Variants in FBXL4 observed in about 807,000 individuals in gnomAD.
FBXL4 encodes F-box and leucine rich repeat protein 4, also known as F-box/LRR-repeat protein 4.
In FBXL4, 40 loss-of-function variants were observed where a neutral mutation model predicts 58.9. The ratio of observed to expected loss-of-function variants is 0.68; its 90% CI spans 0.53 to 0.88. The LOEUF is 0.88. FBXL4 is among the 40% of genes least tolerant of loss of function. The pLI is 0.00. For synonymous variants in FBXL4, 263 were observed against 265.5 expected, an observed-to-expected ratio of 0.99 and a Z score of 0.09; for missense variants, 676 against 734.4, an observed-to-expected ratio of 0.92 and a Z score of 0.92.
At chr6:98,931,339 T>C (rs978091671) in intron 2 of FBXL4, among the ~76,000 whole-genome samples, 1 of 152,206 alleles carries the variant, frequency 6.6e-6, no homozygotes, top group African/African-American at 2.4e-5. Flanking sequence ...TTAAGCTGTG[T>C]TAAAGTTAAG....
chr6:98,934,417 G>C (rs1457892489), intron 2 of FBXL4, among the ~76,000 whole-genome samples: 3 of 151,820 alleles, frequency 2.0e-5, no homozygotes. Context: ...AAAAGAGAGA[G>C]AGAGACAGAA....
At chr6:98,919,158 G>T (rs367905786) in intron 4 of FBXL4, among the ~76,000 whole-genome samples, 5 of 152,088 alleles carry the variant, frequency 3.3e-5, no homozygotes, top group African/African-American at 9.7e-5. Context: ...ACCAAGAAAA[G>T]CATACAGCCA....
chr6:98,898,727 TAC>T, intron 7 of FBXL4: 1 of 984,590 alleles, frequency 1.0e-6, no homozygotes, highest in Non-Finnish European at 1.2e-6. Context: ...TGGTATAACA[TAC>T]ACTATTACAG....
Position 98,938,750 on chromosome 6 carries a change from A to AT in FBXL4, c.-308-3872dup, listed in dbSNP as rs974470523. Among the ~76,000 whole-genome samples the AT allele has an allele frequency of 4.3e-4, 64 of 148,996 alleles. No individual in the cohort carries two copies. The Middle Eastern group carries it at 0.011, about 25-fold the overall frequency. On this transcript the variant is annotated intron_variant, in intron 1 of 9. Transcript: ENST00000369244. ...TTTAATAATAAATGTCTTTTGTGGC[A>AT]TTTTTTTTTTCCAGAATAGGGCACT...
chr6:98,872,474 C>T lies in FBXL4; in HGVS notation c.*1804G>A, dbSNP rs11970338. 3 of 152,126 alleles carry T rather than the reference C, an allele frequency of 2.0e-5. No homozygotes were observed. The highest frequency in any genetic ancestry group is 7.2e-5 in the African/African-American group (3 of 41,428). The allele number at this position is 152,126 out of a possible 1,614,324, so 9.4% of individuals were successfully genotyped here. ...GAGTACTTACAATCAACTTTAATGA[C>T]ACGAAACATTAACTTTGATCCTCCC... On this transcript the variant is annotated 3_prime_UTR_variant, in exon 10 of 10. Coordinates refer to ENST00000369244, the MANE Select transcript of FBXL4 (RefSeq NM_001278716.2).
intron 1 of FBXL4, among the ~76,000 whole-genome samples, chr6:98,940,808 C>T (rs972940615): frequency 2.0e-5 from 3 of 151,872 alleles, no homozygotes; most frequent in Non-Finnish European, 2.9e-5. Context: ...AACATATTAC[C>T]GAAGAGCAAG....
At chr6:98,880,901 C>T (rs1195841805) in intron 7 of FBXL4, among the ~76,000 whole-genome samples, 2 of 152,026 alleles carry the variant, frequency 1.3e-5, no homozygotes, top group East Asian at 3.9e-4. Context: ...TATGACCTCT[C>T]GGTTCATTTC....
Position 98,874,264 on chromosome 6 carries a change from G to T in FBXL4, c.*14C>A. The T allele has an allele frequency of 1.9e-6, 3 of 1,553,398 alleles. No individual in the cohort carries two copies. Among genetic ancestry groups the T allele is most frequent in the South Asian group, 1.3e-5 (1 of 79,292 alleles). ...AACAAAGCACATTAATTTTAATACAGAACATATATTAAGTCACTGAGTAAA... is the reference window on the plus strand; with the variant it reads ...AACAAAGCACATTAATTTTAATACATAACATATATTAAGTCACTGAGTAAA... On this transcript the variant is annotated 3_prime_UTR_variant, in exon 10 of 10. Coordinates refer to ENST00000369244, the MANE Select transcript of FBXL4 (RefSeq NM_001278716.2).
rs539124240 is a variant in FBXL4 at position 98,928,287 on chromosome 6, A to G, written c.-190-465T>C. 1.7e-3 allele frequency among the ~76,000 whole-genome samples: 255 copies of G among 152,212 alleles called. 1 individual carries two copies. Among genetic ancestry groups the G allele is most frequent in the African/African-American group, 6.0e-3 (250 of 41,550 alleles). ...AAAACAAACTTATTTTTGTACCTGT[A>G]AAGTCTTGAGTTTAACTTCTAAGAA... is the stretch of plus-strand genomic sequence containing the variant. On this transcript the variant is annotated intron_variant, in intron 2 of 9. Transcript: ENST00000369244.
chr6:98,915,191 C>T (rs1323517793), intron 5 of FBXL4, among the ~76,000 whole-genome samples: 2 of 151,672 alleles, frequency 1.3e-5, no homozygotes, highest in African/African-American at 4.8e-5. Context: ...AATGGAAGAA[C>T]ATTCCATGCT....
rs2128373025 is a variant in FBXL4 at position 98,871,162 on chromosome 6, A to C, written c.*3116T>G. 1 of 152,258 alleles carries C rather than the reference A, an allele frequency of 6.6e-6. No individual in the cohort carries two copies. Among genetic ancestry groups the C allele is most frequent in the South Asian group, 2.1e-4 (1 of 4,828 alleles). 9.4% of individuals were successfully genotyped at this position (152,258 alleles called of 1,614,324 possible). A position where few individuals can be genotyped will look rare whatever the true frequency, so the allele number is the denominator to read the frequency against. ...CAGATGTTAACCAAGCAAGGAAAAC[A>C]TTTTACTAACGATAACTAAATTGTG... On this transcript the variant is annotated 3_prime_UTR_variant, in exon 10 of 10. Coordinates refer to ENST00000369244, the MANE Select transcript of FBXL4 (RefSeq NM_001278716.2).
chr6:98,914,668 T>C (rs945931561), intron 5 of FBXL4, among the ~76,000 whole-genome samples: 20 of 152,154 alleles, frequency 1.3e-4, no homozygotes, highest in African/African-American at 4.6e-4. Context: ...GGGACATATC[T>C]CAAAATCATA....
chr6:98,915,365 A>G (rs1291583514), intron 5 of FBXL4, among the ~76,000 whole-genome samples: 1 of 152,230 alleles, frequency 6.6e-6, no homozygotes, highest in Non-Finnish European at 1.5e-5. Context: ...TCACCAAGTC[A>G]ATCCTAAGCC....
intron 7 of FBXL4, among the ~76,000 whole-genome samples, chr6:98,890,205 A>G (rs1771176436): frequency 2.0e-5 from 3 of 152,214 alleles, no homozygotes; most frequent in Admixed American, 6.5e-5. Context: ...ACCCTTAATT[A>G]TAACACTCAA....
chr6:98,938,369 T>C (rs1773303154), intron 1 of FBXL4, among the ~76,000 whole-genome samples: 1 of 152,134 alleles, frequency 6.6e-6, no homozygotes, highest in Admixed American at 6.5e-5. Flanking sequence ...TTTGGGGACA[T>C]GTGGAATATA....
rs2128372109 is a variant in FBXL4 at position 98,869,093 on chromosome 6, G to A, written c.*5185C>T. 6.6e-6 allele frequency: 1 copy of A among 152,250 alleles called. No individual in the cohort carries two copies. The highest frequency in any genetic ancestry group is 6.5e-5 in the Admixed American group (1 of 15,294). The allele number at this position is 152,250 out of a possible 1,614,324, so 9.4% of individuals were successfully genotyped here. ...GTTATGGTTTTACACTCACAGCCTA[G>A]GTTTCTAGTAGTATGTTGTCAAAAA... On this transcript the variant is annotated 3_prime_UTR_variant, in exon 10 of 10. Transcript: ENST00000369244.
At position 98,871,282 on chromosome 6, in the gene FBXL4, A is replaced by G. The variant is rs778285434; in HGVS notation, c.*2996T>C. 6.6e-6 allele frequency: 1 copy of G among 152,214 alleles called. No homozygotes were observed. The highest frequency in any genetic ancestry group is 1.5e-5 in the Non-Finnish European group (1 of 68,038). 9.4% of individuals were successfully genotyped at this position (152,214 alleles called of 1,614,324 possible). ...AATGGTTGCTTAAAGAATTGAGAAC[A>G]CTGGGAACAACATCAACAGTCAATA... On this transcript the variant is annotated 3_prime_UTR_variant, in exon 10 of 10. Transcript: ENST00000369244.
chr6:98,925,122 G>T (rs972696950), intron 4 of FBXL4, among the ~76,000 whole-genome samples: 7 of 152,102 alleles, frequency 4.6e-5, no homozygotes, highest in African/African-American at 1.2e-4. Flanking sequence ...AAAGGAAAAA[G>T]AAATATAAAT....
Position 98,917,400 on chromosome 6 carries a change from C to A in FBXL4, c.832G>T (p.Gly278Trp). The A allele has an allele frequency of 5.0e-6, 8 of 1,608,578 alleles. No individual in the cohort carries two copies. The highest frequency in any genetic ancestry group is 6.8e-6 in the Non-Finnish European group (8 of 1,177,208). The part of the protein sequence containing the change: ...SAVLGEGPNN[G>W]YFDKLPYELI... ...TCATAAGGTAGTTTATCAAAATACCCATTATTTGGCCCTTCCCCGAGGACA... is the reference window on the plus strand; with the variant it reads ...TCATAAGGTAGTTTATCAAAATACCAATTATTTGGCCCTTCCCCGAGGACA... Residue 278 changes from glycine to tryptophan, a missense_variant, in exon 5 of 10, where the codon GGG becomes TGG. Gly to Trp is a radical substitution (Grantham distance 184). Transcript: ENST00000369244.
Sources: allele counts gnomAD v4.1 joint callset (sites outside exome capture counted in the v4.1 genomes callset), GRCh38; gene constraint gnomAD v4.1.1; transcripts MANE v1.5; gene names NCBI Gene and HGNC (gene_info 2026-07-23, HGNC 2026-07-21).